Variants in CSMD1 observed in about 807,000 individuals in gnomAD.
CSMD1 encodes the protein CUB and Sushi multiple domains 1, also known as CUB and sushi domain-containing protein 1.
Under a neutral mutation model 417.5 loss-of-function variants are expected in CSMD1, and 213 were observed. The observed-to-expected ratio is 0.51, with a 90% confidence interval of 0.46 to 0.57. The LOEUF (loss-of-function observed/expected upper bound fraction) is 0.57. Among genes scored for constraint, CSMD1 ranks in the 20% least tolerant of loss-of-function variants. CSMD1 has a pLI of 0.00. For missense variants in CSMD1, 6,923 were observed against 4,529.7 expected (o/e 1.53, Z -15.17); for synonymous variants, 2,862 against 1,736.8 (o/e 1.65, Z -16.11).
chr8:3,618,621 C>T (rs893024593), intron 7 of CSMD1, among the ~76,000 whole-genome samples: 1 of 151,934 alleles, frequency 6.6e-6, no homozygotes, highest in Non-Finnish European at 1.5e-5. Context: ...GATAGTGAGA[C>T]AGAAAGCTCC....
chr8:3,518,311 C>T (rs925699964), intron 10 of CSMD1, among the ~76,000 whole-genome samples: 2 of 152,138 alleles, frequency 1.3e-5, no homozygotes, highest in Admixed American at 6.5e-5. Context: ...CAAAAGCTGA[C>T]GCAAATTCCT....
chr8:3,664,386 T>G (rs948731598), intron 7 of CSMD1, among the ~76,000 whole-genome samples: 3 of 152,228 alleles, frequency 2.0e-5, no homozygotes, highest in African/African-American at 7.2e-5. Flanking sequence ...TTTCTGCTCC[T>G]GGTTCACTTC....
At chr8:4,732,644 G>A (rs1436963160) in intron 1 of CSMD1, among the ~76,000 whole-genome samples, 1 of 152,064 alleles carries the variant, frequency 6.6e-6, no homozygotes, top group Non-Finnish European at 1.5e-5. Context: ...TGGGAATCGT[G>A]AGCTCATCTG....
At chr8:3,630,151 G>A (rs760676339) in intron 7 of CSMD1, among the ~76,000 whole-genome samples, 5 of 152,244 alleles carry the variant, frequency 3.3e-5, no homozygotes, top group Non-Finnish European at 7.3e-5. Flanking sequence ...TCCAGTCAGT[G>A]AAATATTGAC....
intron 1 of CSMD1, among the ~76,000 whole-genome samples, chr8:4,849,899 C>A (rs181034952): frequency 1.3e-4 from 20 of 152,216 alleles, no homozygotes; most frequent in Admixed American, 5.2e-4. Flanking sequence ...TTAGAAATGG[C>A]ATTTCTCGAT....
intron 41 of CSMD1, among the ~76,000 whole-genome samples, chr8:3,125,113 C>T (rs1040322496): frequency 9.2e-5 from 14 of 152,166 alleles, no homozygotes; most frequent in Non-Finnish European, 1.6e-4. Context: ...ACACTTCACA[C>T]AATAAGGTAT....
intron 3 of CSMD1, among the ~76,000 whole-genome samples, chr8:4,410,058 C>G (rs1796564919): frequency 1.3e-5 from 2 of 152,166 alleles, no homozygotes; most frequent in Non-Finnish European, 2.9e-5. Context: ...GTGATCCACA[C>G]CTGCCGTGGC....
chr8:4,354,909 T>TG (rs201029099), intron 3 of CSMD1, among the ~76,000 whole-genome samples: 3 of 146,816 alleles, frequency 2.0e-5, no homozygotes, highest in African/African-American at 5.2e-5. Context: ...TGTGTGTGTG[T>TG]TAAATATTTG....
chr8:3,033,925 A>T (rs1000675522), intron 50 of CSMD1, among the ~76,000 whole-genome samples: 1 of 152,214 alleles, frequency 6.6e-6, no homozygotes, highest in Non-Finnish European at 1.5e-5. Context: ...CAAGGAGTTG[A>T]GTCTCAGCTC....
chr8:4,218,657 G>C (rs1248581428), intron 3 of CSMD1, among the ~76,000 whole-genome samples: 1 of 152,098 alleles, frequency 6.6e-6, no homozygotes, highest in African/African-American at 2.4e-5. Context: ...GTATTAGTGG[G>C]ACAGTGGTTA....
At chr8:3,974,282 TA>T (rs1813273007) in intron 5 of CSMD1, among the ~76,000 whole-genome samples, 1 of 151,904 alleles carries the variant, frequency 6.6e-6, no homozygotes, top group Non-Finnish European at 1.5e-5. Context: ...TTTTAAATTA[TA>T]AATCTAGTAT....
intron 55 of CSMD1, 59 bp downstream of exon 55, chr8:2,978,553 C>G (rs1219053497): frequency 7.5e-7 from 1 of 1,331,186 alleles, no homozygotes; most frequent in Non-Finnish European, 1.0e-6. Flanking sequence ...ACGGAATTTT[C>G]TGCTGATGGT....
chr8:4,043,741 C>G lies in CSMD1; in HGVS notation c.416-11642G>C, dbSNP rs75188524. Among the ~76,000 whole-genome samples, 1,229 of 152,236 alleles carry G rather than the reference C, an allele frequency of 8.1e-3. 6 individuals carry two copies. The highest frequency in any genetic ancestry group is 0.011 in the Admixed American group (169 of 15,294). ...AAATAAGATTTATTACTAATAGATA[C>G]TATTGATATCTTGCTGAGCTCTTTC... On this transcript the variant is annotated intron_variant, in intron 3 of 69. Transcript: ENST00000635120.
chr8:3,100,971 TTA>T (rs546317721), intron 46 of CSMD1, among the ~76,000 whole-genome samples: 126 of 152,210 alleles, frequency 8.3e-4, no homozygotes, highest in African/African-American at 2.8e-3. Context: ...GCGGCGGTTT[TTA>T]TGTCGCCTCC....
At chr8:3,350,742 G>C (rs1327460661) in intron 21 of CSMD1, among the ~76,000 whole-genome samples, 1 of 151,812 alleles carries the variant, frequency 6.6e-6, no homozygotes, top group Non-Finnish European at 1.5e-5. Flanking sequence ...ACATAAAAAA[G>C]GTGGGACAAG....
At chr8:4,972,310 C>G (rs1169499107) in intron 1 of CSMD1, among the ~76,000 whole-genome samples, 1 of 151,018 alleles carries the variant, frequency 6.6e-6, no homozygotes, top group East Asian at 1.9e-4. Flanking sequence ...AATTGTAATC[C>G]CCTACTCCCG....
chr8:4,460,112 C>G (rs116230762), intron 2 of CSMD1, among the ~76,000 whole-genome samples: 1 of 152,116 alleles, frequency 6.6e-6, no homozygotes, highest in Admixed American at 6.5e-5. Flanking sequence ...ATATGCCATG[C>G]CACAGAACTA....
intron 3 of CSMD1, among the ~76,000 whole-genome samples, chr8:4,267,039 A>C (rs1346398582): frequency 1.9e-5 from 2 of 104,408 alleles, no homozygotes; most frequent in African/African-American, 5.2e-5. Flanking sequence ...GTAATGTAAC[A>C]GAAACCATTC....
At chr8:3,553,012 A>G (rs1175439020) in intron 10 of CSMD1, among the ~76,000 whole-genome samples, 1 of 152,114 alleles carries the variant, frequency 6.6e-6, no homozygotes, top group African/African-American at 2.4e-5. Context: ...CTGTCTGTCA[A>G]TTACTGGTAG....
Sources: gnomAD v4.1 joint callset for allele counts (sites outside exome capture counted in the v4.1 genomes callset) on GRCh38, gnomAD v4.1.1 for gene constraint, MANE v1.5 for transcripts, NCBI Gene and HGNC (gene_info 2026-07-23, HGNC 2026-07-21) for gene names.